SEMA6A: variants seen among roughly 807,000 people sequenced by gnomAD.
SEMA6A encodes the protein semaphorin-6A.
Under a neutral mutation model 96.8 loss-of-function variants are expected in SEMA6A, and 25 were observed. The observed-to-expected ratio is 0.26, with a 90% CI of 0.19 to 0.36. SEMA6A has a LOEUF of 0.36. Ranked by LOEUF, SEMA6A falls within the 10% of genes least tolerant of loss-of-function variation. SEMA6A has a pLI of 1.00. For missense variants in SEMA6A, 1,363 were observed against 1,323.1 expected, an observed-to-expected ratio of 1.03 and a Z score of -0.47; for synonymous variants, 612 against 518.0, an observed-to-expected ratio of 1.18 and a Z score of -2.46.
At chr5:116,487,983 T>A in intron 9 of SEMA6A, 125 bp downstream of exon 9, 1 of 579,214 alleles carries the variant, frequency 1.7e-6, no homozygotes, top group African/African-American at 1.9e-5. Flanking sequence ...AGATAGGGCC[T>A]CCAGACCGCA....
intron 6 of SEMA6A, among the ~76,000 whole-genome samples, chr5:116,495,086 T>C (rs1256050743): frequency 6.6e-6 from 1 of 152,088 alleles, no homozygotes; most frequent in East Asian, 1.9e-4. Flanking sequence ...AGAGGTTAGA[T>C]AGTGGGGTGG....
At chr5:116,461,222 A>G (rs184452644) in intron 18 of SEMA6A, among the ~76,000 whole-genome samples, 6 of 151,944 alleles carry the variant, frequency 3.9e-5, no homozygotes, top group East Asian at 1.9e-4. Context: ...AACCGTCACA[A>G]TCAATTCACT....
intron 7 of SEMA6A, among the ~76,000 whole-genome samples, chr5:116,489,272 G>C (rs955815135): frequency 2.0e-5 from 3 of 152,036 alleles, no homozygotes; most frequent in African/African-American, 7.2e-5. Flanking sequence ...CAGGGAACAG[G>C]GTAGATGAAA....
intron 4 of SEMA6A, 38 bp downstream of exon 4, chr5:116,497,289 G>T (rs752901304): frequency 4.8e-6 from 6 of 1,257,762 alleles, no homozygotes; most frequent in Non-Finnish European, 6.9e-6. Context: ...CTATCCAAAG[G>T]TCCTTCATTT....
chr5:116,497,429 C>A (rs533063008), intron 3 of SEMA6A, 42 bp from the exon 4 acceptor site: 58 of 1,223,162 alleles, frequency 4.7e-5, no homozygotes, highest in Non-Finnish European at 6.8e-5. Context: ...AACACAGAGT[C>A]AAAACAGTTC....
At chr5:116,510,953 T>C (rs1203045954) in intron 1 of SEMA6A, among the ~76,000 whole-genome samples, 1 of 152,216 alleles carries the variant, frequency 6.6e-6, no homozygotes, top group Non-Finnish European at 1.5e-5. Flanking sequence ...TATTACTTTA[T>C]TGAAACAGCA....
At chr5:116,451,016 G>A (rs1754598131) in intron 18 of SEMA6A, among the ~76,000 whole-genome samples, 1 of 152,194 alleles carries the variant, frequency 6.6e-6, no homozygotes, top group Non-Finnish European at 1.5e-5. Context: ...AGACTTGTCA[G>A]TAGTGGTGAT....
intron 10 of SEMA6A, among the ~76,000 whole-genome samples, chr5:116,483,812 C>A (rs1446990160): frequency 2.0e-5 from 3 of 152,088 alleles, no homozygotes; most frequent in African/African-American, 7.2e-5. Flanking sequence ...GCCTATAATC[C>A]TGGCACTTTG....
At chr5:116,515,958 G>T (rs1026025345) in intron 1 of SEMA6A, among the ~76,000 whole-genome samples, 6 of 152,112 alleles carry the variant, frequency 3.9e-5, no homozygotes, top group Admixed American at 6.5e-5. Flanking sequence ...AATCCTTACT[G>T]TTTTCTTGTT....
In SEMA6A at chr5:116,444,453, AG is replaced by A. The variant is rs1175403752; in HGVS notation, c.*2159del. 1 of 152,436 alleles carries A rather than the reference AG, an allele frequency of 6.6e-6. No individual in the cohort carries two copies. Among genetic ancestry groups the A allele is most frequent in the Non-Finnish European group, 1.5e-5 (1 of 68,034 alleles). 9.4% of individuals were successfully genotyped at this position (152,436 alleles called of 1,614,324 possible). A position where few individuals can be genotyped will look rare whatever the true frequency, so the allele number is the denominator to read the frequency against. On this transcript the variant is annotated 3_prime_UTR_variant, in exon 19 of 19. Coordinates refer to ENST00000343348, the MANE Select transcript of SEMA6A (RefSeq NM_020796.5). ...TTTTAAAGACAAAACTAAACCCAGA[AG>A]ATCGAACTGGAAATAAAAGCAGACA...
intron 1 of SEMA6A, among the ~76,000 whole-genome samples, chr5:116,506,883 A>G (rs1323669573): frequency 6.6e-6 from 1 of 152,202 alleles, no homozygotes; most frequent in Non-Finnish European, 1.5e-5. Context: ...TGACATGACA[A>G]ACGAGTCTCC....
At chr5:116,531,101 G>C (rs1759449636) in intron 1 of SEMA6A, among the ~76,000 whole-genome samples, 1 of 150,780 alleles carries the variant, frequency 6.6e-6, no homozygotes, top group Non-Finnish European at 1.5e-5. Flanking sequence ...TCTGATCATA[G>C]TCATTTCCCT....
At chr5:116,520,366 C>G (rs1485183959) in intron 1 of SEMA6A, among the ~76,000 whole-genome samples, 1 of 151,470 alleles carries the variant, frequency 6.6e-6, no homozygotes, top group Admixed American at 6.6e-5. Context: ...AATGTAAGCT[C>G]TATGTGGGTA....
chr5:116,470,348 A>G lies in SEMA6A; in HGVS notation c.1730-2601T>C, dbSNP rs541100636. On this transcript the variant is annotated intron_variant, in intron 17 of 18. Coordinates refer to ENST00000343348, the MANE Select transcript of SEMA6A (RefSeq NM_020796.5). ...TTTGTGGATGTGATATCATATGTCA[A>G]TAGATTTGGAATCTATATTTTTGTC... Among the ~76,000 whole-genome samples the G allele has an allele frequency of 2.9e-3, 449 of 152,370 alleles. 2 individuals are homozygous for G. Among genetic ancestry groups the G allele is most frequent in the Non-Finnish European group, 5.3e-3 (361 of 68,028 alleles).
chr5:116,446,374 G>T lies in SEMA6A; in HGVS notation c.*239C>A. 1 of 443,516 alleles carries T rather than the reference G, an allele frequency of 2.3e-6. No homozygotes were observed. Among genetic ancestry groups the T allele is most frequent in the South Asian group, 6.2e-5 (1 of 16,190 alleles). 27.5% of individuals were successfully genotyped at this position (443,516 alleles called of 1,614,324 possible). A position where few individuals can be genotyped will look rare whatever the true frequency, so the allele number is the denominator to read the frequency against. ...TTGTGGGTCCGACCTGTTGTAGGGTGTGGGGGAAAGTGAAGGAAGAGAATG... is the reference window on the plus strand; with the variant it reads ...TTGTGGGTCCGACCTGTTGTAGGGTTTGGGGGAAAGTGAAGGAAGAGAATG... On this transcript the variant is annotated 3_prime_UTR_variant, in exon 19 of 19. Transcript: ENST00000343348.
rs748379820 is a variant in SEMA6A, at chr5:116,477,830, A to G, written c.1649+16T>C. Reference sequence around the variant, plus strand: ...TGGAAGCCACTTCACCCTCTCCCACACCTCAGGCTGCCTACCTGCTGTTGG... The same window carrying G: ...TGGAAGCCACTTCACCCTCTCCCACGCCTCAGGCTGCCTACCTGCTGTTGG... On this transcript the variant is annotated intron_variant, in intron 15 of 18. Coordinates refer to ENST00000343348, the MANE Select transcript of SEMA6A (RefSeq NM_020796.5). The G allele has an allele frequency of 1.9e-6, 3 of 1,612,874 alleles. No homozygotes were observed. The African/African-American group carries it at 4.0e-5, about 22-fold the overall frequency.
intron 1 of SEMA6A, among the ~76,000 whole-genome samples, chr5:116,570,517 G>C (rs1761170437): frequency 6.6e-6 from 1 of 152,218 alleles, no homozygotes; most frequent in Non-Finnish European, 1.5e-5. Context: ...GGTGTGGAGA[G>C]GGGCAGTGCA....
chr5:116,454,342 A>T (rs1406471517), intron 18 of SEMA6A, among the ~76,000 whole-genome samples: 1 of 152,174 alleles, frequency 6.6e-6, no homozygotes, highest in African/African-American at 2.4e-5. Context: ...GCTTTATAGT[A>T]AGACAAGCCT....
intron 18 of SEMA6A, among the ~76,000 whole-genome samples, chr5:116,460,272 T>C (rs911499122): frequency 6.6e-6 from 1 of 152,172 alleles, no homozygotes; most frequent in African/African-American, 2.4e-5. Flanking sequence ...AATAATAATC[T>C]TTAAATTACT....
Sources: allele counts gnomAD v4.1 joint callset (sites outside exome capture counted in the v4.1 genomes callset), GRCh38; gene constraint gnomAD v4.1.1; transcripts MANE v1.5; gene names NCBI Gene and HGNC (gene_info 2026-07-23, HGNC 2026-07-21).